The following UBE2Q2 variants were observed in gnomAD, a reference collection of about 807,000 sequenced individuals.
The protein encoded by UBE2Q2 is ubiquitin-conjugating enzyme E2 Q2.
In UBE2Q2, 54 loss-of-function variants were observed where a neutral mutation model predicts 59.9. The observed-to-expected ratio is 0.90, with a 90% CI of 0.72 to 1.13. UBE2Q2 has a LOEUF of 1.13. Ranked by LOEUF, UBE2Q2 falls within the 50% of genes most tolerant of loss-of-function variation. The probability of loss-of-function intolerance (pLI) is 0.00; values close to 1 mark genes in which losing one functional copy is unlikely to be tolerated. For missense variants in UBE2Q2, 433 were observed against 441.9 expected (o/e 0.98, Z 0.18); for synonymous variants, 165 against 155.2 (o/e 1.06, Z -0.47).
In UBE2Q2 at chr15:75,875,581, A is replaced by G. The variant is rs538145816; in HGVS notation, c.589-606A>G. On this transcript the variant is annotated intron_variant, in intron 5 of 12. Coordinates refer to ENST00000267938, the MANE Select transcript of UBE2Q2 (RefSeq NM_173469.4). Reference sequence around the variant, plus strand: ...CCTTGAGTGTCTTCTAGTATTTTCAAAAATTGCTGGGGTTTGGAATAGACT... The same window carrying G: ...CCTTGAGTGTCTTCTAGTATTTTCAGAAATTGCTGGGGTTTGGAATAGACT... 2.7e-4 allele frequency among the ~76,000 whole-genome samples: 41 copies of G among 152,282 alleles called. 1 individual carries two copies. The South Asian group carries it at 8.1e-3, about 30-fold the overall frequency.
chr15:75,876,580 G>A (rs1297053243), intron 6 of UBE2Q2, among the ~76,000 whole-genome samples: 1 of 152,162 alleles, frequency 6.6e-6, no homozygotes, highest in Non-Finnish European at 1.5e-5. Flanking sequence ...TGCTTGGAAA[G>A]TAAATAAGAG....
chr15:75,850,026 T>C (rs1264470155), intron 1 of UBE2Q2, among the ~76,000 whole-genome samples: 2 of 152,220 alleles, frequency 1.3e-5, no homozygotes, highest in Admixed American at 1.3e-4. Context: ...ATGTGAAAGA[T>C]TGAAAATATT....
intron 5 of UBE2Q2, among the ~76,000 whole-genome samples, chr15:75,874,470 G>C (rs1280220052): frequency 6.6e-6 from 1 of 151,914 alleles, no homozygotes; most frequent in Non-Finnish European, 1.5e-5. Context: ...TTTTAGTAGA[G>C]ACAGGGTTTC....
At chr15:75,864,341 A>G (rs539668658) in intron 3 of UBE2Q2, among the ~76,000 whole-genome samples, 2 of 152,100 alleles carry the variant, frequency 1.3e-5, no homozygotes, top group South Asian at 4.2e-4. Context: ...AAATATCTGG[A>G]GCCATTTCTG....
chr15:75,867,757 T>G (rs1897578547), intron 3 of UBE2Q2, among the ~76,000 whole-genome samples: 1 of 152,196 alleles, frequency 6.6e-6, no homozygotes, highest in Admixed American at 6.5e-5. Flanking sequence ...ACAGATTCTC[T>G]GGGTAGGCTT....
Position 75,843,635 on chromosome 15 carries a change from T to TCCGCGCCCCTC in UBE2Q2, c.-27_-17dup. ...CTCCCCTTCCGCGCCCGGCTCCCCT[T>TCCGCGCCCCTC]CCGCGCCCCTCCCGCCGGAGATGAG... On this transcript the variant is annotated 5_prime_UTR_variant, in exon 1 of 13. Coordinates refer to ENST00000267938, the MANE Select transcript of UBE2Q2 (RefSeq NM_173469.4). 6.4e-7 allele frequency: 1 copy of TCCGCGCCCCTC among 1,553,266 alleles called. No individual in the cohort carries two copies.
intron 3 of UBE2Q2, among the ~76,000 whole-genome samples, chr15:75,862,702 C>G (rs763833231): frequency 4.0e-5 from 6 of 150,324 alleles, no homozygotes; most frequent in Non-Finnish European, 8.8e-5. Context: ...GTAGTCCCAG[C>G]TACTCAAGAG....
intron 1 of UBE2Q2, 126 bp downstream of exon 1, chr15:75,843,972 T>A (rs1313496572): frequency 7.1e-7 from 1 of 1,402,956 alleles, no homozygotes; most frequent in African/African-American, 1.5e-5. Context: ...GGCCCGCCCC[T>A]TTCCCCCGCG....
intron 1 of UBE2Q2, among the ~76,000 whole-genome samples, chr15:75,847,082 T>C (rs1400938500): frequency 6.6e-6 from 1 of 152,256 alleles, no homozygotes; most frequent in Admixed American, 6.5e-5. Context: ...TCATGTTTTC[T>C]TATGCTGTAT....
intron 3 of UBE2Q2, among the ~76,000 whole-genome samples, 197 bp from the exon 4 acceptor site, chr15:75,868,754 T>C (rs1378882039): frequency 6.6e-6 from 1 of 152,254 alleles, no homozygotes; most frequent in Admixed American, 6.5e-5. Flanking sequence ...TGTTCAAAAT[T>C]GTTTCATTTT....
intron 3 of UBE2Q2, among the ~76,000 whole-genome samples, chr15:75,864,043 C>T (rs1183533819): frequency 4.6e-5 from 7 of 152,088 alleles, no homozygotes; most frequent in South Asian, 2.1e-4. Context: ...ATTGTGCCCA[C>T]GATTCTGTAT....
intron 1 of UBE2Q2, among the ~76,000 whole-genome samples, chr15:75,848,145 A>G (rs28550045): frequency 0.46 from 69,421 of 152,048 alleles, 16,760 homozygotes; most frequent in South Asian, 0.71. Flanking sequence ...AAGAGAGCAT[A>G]TAGAGGAAAG....
intron 3 of UBE2Q2, among the ~76,000 whole-genome samples, chr15:75,866,354 T>A (rs1192121057): frequency 6.6e-6 from 1 of 151,976 alleles, no homozygotes; most frequent in African/African-American, 2.4e-5. Flanking sequence ...TTTTTAAAAT[T>A]TTTTTGTAGA....
Position 75,883,485 on chromosome 15 carries a change from AGG to A in UBE2Q2, c.884+63_884+64del. ...TCAGTTAAAAAAAATTTTTTTTTAT[AGG>A]GACGAGATCTCACTATGTTGCCCTG... On this transcript the variant is annotated intron_variant, in intron 9 of 12. Transcript: ENST00000267938. 3.0e-6 allele frequency: 4 copies of A among 1,318,378 alleles called. No individual in the cohort carries two copies. In the East Asian group the frequency reaches 9.6e-5, roughly 31 times the overall value. The allele number at this position is 1,318,378 out of a possible 1,614,324, so 81.7% of individuals were successfully genotyped here. A position where few individuals can be genotyped will look rare whatever the true frequency, so the allele number is the denominator to read the frequency against.
At chr15:75,881,296 T>TGA (rs1451760000) in intron 8 of UBE2Q2, among the ~76,000 whole-genome samples, 2 of 152,106 alleles carry the variant, frequency 1.3e-5, no homozygotes, top group Non-Finnish European at 2.9e-5. Flanking sequence ...ACTTCCTCTT[T>TGA]GAGAGGTATC....
At chr15:75,873,897 G>C (rs180947523) in intron 5 of UBE2Q2, among the ~76,000 whole-genome samples, 1 of 152,190 alleles carries the variant, frequency 6.6e-6, no homozygotes, top group Non-Finnish European at 1.5e-5. Flanking sequence ...AGGACTCTCT[G>C]TTGCCCAGGC....
chr15:75,896,980 G>A lies in UBE2Q2; in HGVS notation c.1030-15G>A. ...TAATTACACTTTTGATTTAAAATGTGTAATTCTCTTTCAGAATCAATATAA... is the reference window on the plus strand; with the variant it reads ...TAATTACACTTTTGATTTAAAATGTATAATTCTCTTTCAGAATCAATATAA... On this transcript the variant is annotated splice_polypyrimidine_tract_variant and intron_variant, in intron 11 of 12. Coordinates refer to ENST00000267938, the MANE Select transcript of UBE2Q2 (RefSeq NM_173469.4). The A allele has an allele frequency of 1.3e-6, 2 of 1,513,770 alleles. No individual in the cohort carries two copies. The highest frequency in any genetic ancestry group is 2.3e-5 in the East Asian group (1 of 42,676). The allele number at this position is 1,513,770 out of a possible 1,614,324, so 93.8% of individuals were successfully genotyped here.
chr15:75,857,952 A>G (rs1897003227), intron 2 of UBE2Q2, among the ~76,000 whole-genome samples: 1 of 152,174 alleles, frequency 6.6e-6, no homozygotes, highest in South Asian at 2.1e-4. Context: ...GTAGAACACA[A>G]TTAAGAAAAA....
intron 11 of UBE2Q2, 59 bp from the exon 12 acceptor site, chr15:75,896,936 T>C: frequency 1.8e-6 from 2 of 1,135,148 alleles, no homozygotes; most frequent in Non-Finnish European, 1.3e-6. Flanking sequence ...TTCATAAATT[T>C]ATTGTAATAA....
Sources: allele counts gnomAD v4.1 joint callset (sites outside exome capture counted in the v4.1 genomes callset), GRCh38; gene constraint gnomAD v4.1.1; transcripts MANE v1.5; gene names NCBI Gene and HGNC (gene_info 2026-07-23, HGNC 2026-07-21).